Variants in SMYD3 observed in about 807,000 individuals in gnomAD.
SMYD3 encodes histone-lysine N-methyltransferase SMYD3.
Under a neutral mutation model 57.7 loss-of-function variants are expected in SMYD3, and 36 were observed. The observed-to-expected ratio is 0.62, with a 90% CI of 0.48 to 0.82. The LOEUF (loss-of-function observed/expected upper bound fraction) is 0.82, where lower values mean the gene tolerates loss of function less well. SMYD3 is among the 40% of genes least tolerant of loss of function. SMYD3 has a pLI of 0.00. For synonymous variants in SMYD3, 211 were observed against 195.0 expected, an observed-to-expected ratio of 1.08 and a Z score of -0.68; for missense variants, 515 against 538.8, an observed-to-expected ratio of 0.96 and a Z score of 0.44.
At chr1:245,795,604 C>A (rs2047489321) in intron 10 of SMYD3, among the ~76,000 whole-genome samples, 1 of 152,132 alleles carries the variant, frequency 6.6e-6, no homozygotes, top group African/African-American at 2.4e-5. Context: ...TCTCTTGTGG[C>A]CTAAAGCATG....
chr1:246,119,966 A>G (rs1224132733), intron 5 of SMYD3, among the ~76,000 whole-genome samples: 1 of 152,226 alleles, frequency 6.6e-6, no homozygotes, highest in African/African-American at 2.4e-5. Flanking sequence ...TAAGTGACCC[A>G]GGAGCCTTCA....
chr1:246,483,305 C>T (rs2068136836), intron 1 of SMYD3: 1 of 152,088 alleles, frequency 6.6e-6, no homozygotes, highest in Non-Finnish European at 1.5e-5. Context: ...CATTAAAGAG[C>T]ATTACATAAT....
intron 1 of SMYD3, among the ~76,000 whole-genome samples, chr1:246,457,550 A>AAG (rs1553351033): frequency 1.3e-5 from 1 of 75,678 alleles, no homozygotes; most frequent in African/African-American, 5.7e-5. Context: ...AAAAAAAAAG[A>AAG]AAAGAAAAGA....
chr1:246,287,541 T>C (rs1269406928), intron 5 of SMYD3, among the ~76,000 whole-genome samples: 3 of 152,196 alleles, frequency 2.0e-5, no homozygotes, highest in Non-Finnish European at 4.4e-5. Context: ...TAGGTGACCT[T>C]GGGCAAGTCA....
At chr1:246,450,494 G>T (rs987680368) in intron 1 of SMYD3, among the ~76,000 whole-genome samples, 1 of 152,202 alleles carries the variant, frequency 6.6e-6, no homozygotes, top group South Asian at 2.1e-4. Flanking sequence ...CAAGATGGCA[G>T]TGATCTATAA....
intron 5 of SMYD3, among the ~76,000 whole-genome samples, chr1:246,063,567 TTCCC>T (rs1255571779): frequency 6.7e-6 from 1 of 148,404 alleles, no homozygotes; most frequent in East Asian, 2.0e-4. Context: ...CCTTCCTTCC[TTCCC>T]TCCCTCACTC....
intron 5 of SMYD3, among the ~76,000 whole-genome samples, chr1:246,044,978 AAG>A (rs2059937234): frequency 6.6e-6 from 1 of 152,210 alleles, no homozygotes. Flanking sequence ...AACGAAATAA[AAG>A]AGGACACAAA....
At chr1:245,936,273 AC>A (rs1316315193) in intron 5 of SMYD3, among the ~76,000 whole-genome samples, 2 of 152,202 alleles carry the variant, frequency 1.3e-5, no homozygotes, top group Non-Finnish European at 2.9e-5. Context: ...ATCATGACTT[AC>A]CAGGTTGAAA....
chr1:246,090,522 CT>C (rs539563212), intron 5 of SMYD3, among the ~76,000 whole-genome samples: 89 of 142,772 alleles, frequency 6.2e-4, no homozygotes, highest in African/African-American at 1.3e-3. Flanking sequence ...TTCTCTCTCT[CT>C]TTTTTTTTTT....
At chr1:246,215,978 A>G (rs2063157665) in intron 5 of SMYD3, among the ~76,000 whole-genome samples, 1 of 152,108 alleles carries the variant, frequency 6.6e-6, no homozygotes, top group African/African-American at 2.4e-5. Context: ...AAGATGGAGC[A>G]CTCTGGACTA....
chr1:246,158,317 T>C (rs1383670472), intron 5 of SMYD3, among the ~76,000 whole-genome samples: 1 of 152,222 alleles, frequency 6.6e-6, no homozygotes, highest in Non-Finnish European at 1.5e-5. Flanking sequence ...AAATGCACAG[T>C]AAGGGAAGAA....
chr1:245,847,563 C>T (rs1282504618), intron 10 of SMYD3, among the ~76,000 whole-genome samples: 1 of 152,114 alleles, frequency 6.6e-6, no homozygotes, highest in Non-Finnish European at 1.5e-5. Flanking sequence ...CTTTTGGCTC[C>T]CTACAGGGGA....
intron 5 of SMYD3, among the ~76,000 whole-genome samples, chr1:246,031,737 GA>G (rs66497634): frequency 8.1e-4 from 111 of 136,774 alleles, no homozygotes; most frequent in Admixed American, 1.2e-3. Flanking sequence ...ACTTTGTCTC[GA>G]AAAAAAAAAA....
chr1:245,894,666 GA>G (rs1307519866), intron 8 of SMYD3, among the ~76,000 whole-genome samples: 1 of 152,176 alleles, frequency 6.6e-6, no homozygotes, highest in Admixed American at 6.5e-5. Flanking sequence ...ATCTGAGGAA[GA>G]ATCACCTTAT....
chr1:245,915,498 G>T, intron 8 of SMYD3, 32 bp downstream of exon 8: 5 of 1,370,952 alleles, frequency 3.6e-6, no homozygotes, highest in Non-Finnish European at 5.2e-6. Flanking sequence ...TTTTGCCGTG[G>T]AGGTGTTTCA....
chr1:246,259,789 C>T (rs2063969479), intron 5 of SMYD3, among the ~76,000 whole-genome samples: 2 of 152,242 alleles, frequency 1.3e-5, no homozygotes, highest in Admixed American at 1.3e-4. Flanking sequence ...CAAGCACCAG[C>T]ACTGACAGAG....
At chr1:246,489,945 A>G (rs141656023) in intron 1 of SMYD3, among the ~76,000 whole-genome samples, 1,939 of 151,300 alleles carry the variant, frequency 0.013, 43 homozygotes, top group African/African-American at 0.045. Flanking sequence ...CTCCTGCCTC[A>G]GCCTCCCAAC....
chr1:246,172,013 G>A (rs2062343649), intron 5 of SMYD3, among the ~76,000 whole-genome samples: 2 of 152,182 alleles, frequency 1.3e-5, no homozygotes, highest in South Asian at 4.1e-4. Flanking sequence ...TTTATCTCAT[G>A]AAGGAAAAGA....
chr1:246,197,333 C>T (rs2062842143), intron 5 of SMYD3, among the ~76,000 whole-genome samples: 1 of 151,930 alleles, frequency 6.6e-6, no homozygotes, highest in South Asian at 2.1e-4. Flanking sequence ...TCTGCAGTGG[C>T]GAAGGCTGAC....
Sources: gnomAD v4.1 joint callset for allele counts (sites outside exome capture counted in the v4.1 genomes callset) on GRCh38, gnomAD v4.1.1 for gene constraint, MANE v1.5 for transcripts, NCBI Gene and HGNC (gene_info 2026-07-23, HGNC 2026-07-21) for gene names.